Variants in POLR1D observed in about 807,000 individuals in gnomAD.
POLR1D encodes DNA-directed RNA polymerases I and III subunit RPAC2.
A neutral mutation model predicts 10.8 loss-of-function variants in POLR1D; 8 were observed. The ratio of observed to expected loss-of-function variants is 0.74; its 90% CI spans 0.43 to 1.33. The LOEUF (loss-of-function observed/expected upper bound fraction) is 1.33, where lower values mean the gene tolerates loss of function less well. Ranked by LOEUF, POLR1D falls within the 40% of genes most tolerant of loss-of-function variation. The pLI, the probability that POLR1D is intolerant of heterozygous loss-of-function variation, is 0.01. For synonymous variants in POLR1D, 54 were observed against 57.2 expected, an observed-to-expected ratio of 0.94 and a Z score of 0.25; for missense variants, 152 against 161.7, an observed-to-expected ratio of 0.94 and a Z score of 0.32.
chr13:27,626,149 CT>C (rs1956006817), downstream of POLR1D, among the ~76,000 whole-genome samples: 3 of 152,328 alleles, frequency 2.0e-5, no homozygotes, highest in Admixed American at 2.0e-4. Flanking sequence ...GGATTAAAAA[CT>C]TTTTTCCTCT....
upstream of POLR1D, chr13:27,621,850 C>T (rs1347081396): frequency 1.1e-5 from 10 of 911,200 alleles, no homozygotes; most frequent in African/African-American, 1.7e-5. Flanking sequence ...CGCTGCGGCT[C>T]CTCCTCCCTC....
rs763616303 is a variant in POLR1D, at chr13:27,622,927, C to T, written c.79C>T (p.Leu27=). 1.9e-6 allele frequency: 3 copies of T among 1,612,352 alleles called. No individual in the cohort carries two copies. Among genetic ancestry groups the T allele is most frequent in the Non-Finnish European group, 2.5e-6 (3 of 1,178,528 alleles). Residue 27 remains leucine, a synonymous_variant, in exon 2 of 2, where the codon CTG becomes TTG. Coordinates refer to ENST00000302979, the MANE Select transcript of POLR1D (RefSeq NM_015972.4). The part of the protein sequence containing the change: ...SMAEGERKTA[L]EMVQAAGTDR... ...GGCTGAAGGCGAGAGGAAGACAGCCCTGGAAATGGTCCAGGCAGCTGGAAC... is the reference window on the plus strand; with the variant it reads ...GGCTGAAGGCGAGAGGAAGACAGCCTTGGAAATGGTCCAGGCAGCTGGAAC...
At chr13:27,659,258 C>A (rs1442800176) in intron 2 of POLR1D, among the ~76,000 whole-genome samples, 1 of 152,208 alleles carries the variant, frequency 6.6e-6, no homozygotes, top group Non-Finnish European at 1.5e-5. Flanking sequence ...ACTCACTTTC[C>A]TGGCCTTAAA....
At chr13:27,628,847 G>T (rs748633523) in intron 1 of POLR1D, among the ~76,000 whole-genome samples, 11 of 152,086 alleles carry the variant, frequency 7.2e-5, no homozygotes, top group Non-Finnish European at 1.6e-4. Flanking sequence ...TGAGACAGTC[G>T]CACTGTTACC....
At chr13:27,621,854 C>T (rs1955929367), upstream of POLR1D, 5 of 959,916 alleles carry the variant, frequency 5.2e-6, no homozygotes, top group African/African-American at 1.6e-5. Flanking sequence ...GCGGCTCCTC[C>T]TCCCTCCTTC....
chr13:27,637,815 G>C (rs1430624633), intron 1 of POLR1D, among the ~76,000 whole-genome samples: 4 of 151,144 alleles, frequency 2.6e-5, no homozygotes, highest in Non-Finnish European at 5.9e-5. Flanking sequence ...TTTTTTTTTA[G>C]AGATAGGGTC....
upstream of POLR1D, chr13:27,621,333 C>T (rs112181088): frequency 6.6e-5 from 10 of 152,376 alleles, no homozygotes; most frequent in African/African-American, 2.4e-4. Flanking sequence ...CTATTTTGAC[C>T]CAGTTGAAAA....
intron 2 of POLR1D, among the ~76,000 whole-genome samples, chr13:27,661,660 T>C (rs537816154): frequency 1.5e-4 from 23 of 152,346 alleles, no homozygotes; most frequent in African/African-American, 5.3e-4. Flanking sequence ...CAGTTTATCA[T>C]GTCATCTCAA....
At chr13:27,634,669 A>G (rs983807696) in intron 1 of POLR1D, among the ~76,000 whole-genome samples, 1 of 140,682 alleles carries the variant, frequency 7.1e-6, no homozygotes, top group Non-Finnish European at 1.5e-5. Context: ...GACTCCATAG[A>G]CTCTGCTTTT....
chr13:27,666,566 C>G (rs1354383457), exon 3 of POLR1D: 1 of 152,168 alleles, frequency 6.6e-6, no homozygotes, highest in Non-Finnish European at 1.5e-5. Flanking sequence ...TGTGCATTCT[C>G]AAACTCATTT....
chr13:27,666,419 G>A (rs1956419687), exon 3 of POLR1D: 1 of 154,582 alleles, frequency 6.5e-6, no homozygotes, highest in South Asian at 2.0e-4. Flanking sequence ...CCAAGGTCTG[G>A]GAATTTATCG....
chr13:27,636,994 C>T (rs1956130782), intron 1 of POLR1D, among the ~76,000 whole-genome samples: 2 of 152,154 alleles, frequency 1.3e-5, no homozygotes, highest in Admixed American at 6.5e-5. Flanking sequence ...TAAACATTGG[C>T]TCTAGAACAT....
intron 1 of POLR1D, among the ~76,000 whole-genome samples, chr13:27,631,461 C>T (rs981189680): frequency 1.3e-5 from 2 of 152,112 alleles, no homozygotes; most frequent in African/African-American, 2.4e-5. Flanking sequence ...CACTTGAGAG[C>T]GAGTACATGA....
intron 1 of POLR1D, among the ~76,000 whole-genome samples, chr13:27,632,268 A>G (rs888523415): frequency 1.3e-5 from 2 of 152,134 alleles, no homozygotes; most frequent in African/African-American, 4.8e-5. Context: ...TCCCCACAGA[A>G]CTCTAGGAGG....
intron 1 of POLR1D, among the ~76,000 whole-genome samples, chr13:27,637,906 C>T (rs776104297): frequency 9.2e-5 from 14 of 152,032 alleles, no homozygotes; most frequent in Non-Finnish European, 2.1e-4. Flanking sequence ...GCTGGGACTA[C>T]AAGCATGTGC....
chr13:27,651,745 G>T (rs1270462670), intron 2 of POLR1D, among the ~76,000 whole-genome samples: 1 of 152,142 alleles, frequency 6.6e-6, no homozygotes, highest in Middle Eastern at 3.2e-3. Flanking sequence ...GAGTGTGAGT[G>T]TAAAGTACCC....
intron 2 of POLR1D, among the ~76,000 whole-genome samples, chr13:27,664,407 C>T (rs1176074339): frequency 1.3e-5 from 2 of 152,156 alleles, no homozygotes; most frequent in African/African-American, 4.8e-5. Flanking sequence ...CTGTTGCACT[C>T]CACTGTCCTT....
chr13:27,659,910 A>G (rs1207649491), intron 2 of POLR1D, among the ~76,000 whole-genome samples: 1 of 147,714 alleles, frequency 6.8e-6, no homozygotes, highest in Admixed American at 6.7e-5. Flanking sequence ...TCAGGTGTAT[A>G]TATATATATA....
At chr13:27,667,345 A>G (rs1169234750) in exon 3 of POLR1D, 1 of 152,260 alleles carries the variant, frequency 6.6e-6, no homozygotes, top group East Asian at 1.9e-4. Context: ...AATATTAGAA[A>G]TAGCACAAAG....
Sources: allele counts gnomAD v4.1 joint callset (sites outside exome capture counted in the v4.1 genomes callset), GRCh38; gene constraint gnomAD v4.1.1; transcripts MANE v1.5; gene names NCBI Gene and HGNC (gene_info 2026-07-23, HGNC 2026-07-21).